Variants in CLIC5 observed in about 807,000 individuals in gnomAD.
The protein encoded by CLIC5 is CLIC family member 5, also known as chloride intracellular channel protein 5.
Under a neutral mutation model 24.7 loss-of-function variants are expected in CLIC5, and 20 were observed. The observed-to-expected ratio is 0.81, with a 90% confidence interval of 0.57 to 1.18. The LOEUF is 1.18. Ranked by LOEUF, CLIC5 falls within the 50% of genes most tolerant of loss-of-function variation. The probability of loss-of-function intolerance (pLI) is 0.00; values close to 1 mark genes in which losing one functional copy is unlikely to be tolerated. For synonymous variants in CLIC5, 159 were observed against 135.6 expected (o/e 1.17, Z -1.20); for missense variants, 341 against 326.1 (o/e 1.05, Z -0.35).
the CLIC5 span, among the ~76,000 whole-genome samples, chr6:46,087,340 T>C: frequency 3.3e-5 from 5 of 152,234 alleles, no homozygotes; most frequent in African/African-American, 7.2e-5. Flanking sequence ...TCTTGTTTGA[T>C]AGGTTTATTT....
intron 1 of CLIC5, among the ~76,000 whole-genome samples, chr6:45,966,360 T>C (rs1421852718): frequency 6.6e-6 from 1 of 150,998 alleles, no homozygotes; most frequent in Non-Finnish European, 1.5e-5. Context: ...CTCTCAGATA[T>C]TCTGATTTAA....
At chr6:46,122,317 C>T in the CLIC5 span, among the ~76,000 whole-genome samples, 1 of 152,212 alleles carries the variant, frequency 6.6e-6, no homozygotes, top group African/African-American at 2.4e-5. Flanking sequence ...GCACAACCTG[C>T]TCCTGAATGA....
chr6:46,079,773 T>C (rs900580136), exon 1 of CLIC5: 2 of 1,552,016 alleles, frequency 1.3e-6, no homozygotes, highest in South Asian at 1.2e-5. Flanking sequence ...AGCATCAGAA[T>C]AGCAGGAATA....
chr6:46,094,263 C>T, the CLIC5 span, among the ~76,000 whole-genome samples: 1 of 152,172 alleles, frequency 6.6e-6, no homozygotes, highest in Non-Finnish European at 1.5e-5. Flanking sequence ...TCCCTGGCTC[C>T]TTCGAAATCT....
intron 1 of CLIC5, among the ~76,000 whole-genome samples, chr6:45,975,192 A>G (rs74517811): frequency 3.2e-4 from 48 of 152,222 alleles, no homozygotes; most frequent in African/African-American, 1.1e-3. Flanking sequence ...AGAACTGGAG[A>G]GTGAGCAGGA....
intron 3 of CLIC5, among the ~76,000 whole-genome samples, chr6:45,943,983 C>A (rs1420891068): frequency 6.6e-6 from 1 of 152,140 alleles, no homozygotes; most frequent in South Asian, 2.1e-4. Context: ...ATATTTATGG[C>A]GTGTTTTAAA....
At chr6:45,971,044 T>A (rs1170667924) in intron 1 of CLIC5, among the ~76,000 whole-genome samples, 1 of 152,228 alleles carries the variant, frequency 6.6e-6, no homozygotes, top group East Asian at 1.9e-4. Flanking sequence ...CCAAAATAAA[T>A]GAGGTACAGA....
chr6:45,914,431 G>A lies in CLIC5; in HGVS notation c.407-22C>T, dbSNP rs775183934. On this transcript the variant is annotated intron_variant, in intron 4 of 5. Transcript: ENST00000339561. ...AGAGCTGGCATGAAAGAGTAAAAGGGCCTTTATTCAAACTTCTTGCCAGTG... is the reference window on the plus strand; with the variant it reads ...AGAGCTGGCATGAAAGAGTAAAAGGACCTTTATTCAAACTTCTTGCCAGTG... The A allele has an allele frequency of 5.8e-6, 9 of 1,541,432 alleles. No homozygotes were observed. The East Asian group carries it at 2.1e-4, about 35-fold the overall frequency.
At chr6:46,059,850 G>GC (rs1434205132) in intron 1 of CLIC5, among the ~76,000 whole-genome samples, 2 of 152,180 alleles carry the variant, frequency 1.3e-5, no homozygotes, top group Non-Finnish European at 2.9e-5. Flanking sequence ...GAACAGGATT[G>GC]CCTGAGTTTG....
chr6:46,036,590 G>A (rs556290223), intron 1 of CLIC5, among the ~76,000 whole-genome samples: 2 of 152,300 alleles, frequency 1.3e-5, no homozygotes, highest in Admixed American at 6.5e-5. Flanking sequence ...GATTACAGGC[G>A]TGAGCCACTG....
chr6:46,022,071 G>A (rs978641036), intron 1 of CLIC5, among the ~76,000 whole-genome samples: 4 of 152,138 alleles, frequency 2.6e-5, no homozygotes, highest in African/African-American at 7.2e-5. Flanking sequence ...ATGTAAAAGA[G>A]ATTTCTATTT....
intron 1 of CLIC5, among the ~76,000 whole-genome samples, chr6:46,053,599 G>C (rs1241025737): frequency 6.6e-6 from 1 of 152,170 alleles, no homozygotes; most frequent in Non-Finnish European, 1.5e-5. Context: ...TTTAATCGTT[G>C]AGGTCGGTAT....
chr6:45,988,842 G>A (rs1397612313), intron 1 of CLIC5, among the ~76,000 whole-genome samples: 1 of 152,178 alleles, frequency 6.6e-6, no homozygotes, highest in Non-Finnish European at 1.5e-5. Context: ...AGACAAATGG[G>A]GTTTCTGCCA....
chr6:46,035,379 A>G (rs1008228914), intron 1 of CLIC5, among the ~76,000 whole-genome samples: 2 of 152,256 alleles, frequency 1.3e-5, no homozygotes, highest in Non-Finnish European at 2.9e-5. Context: ...CATTTGTTTC[A>G]GGGTGTATTG....
At chr6:45,942,443 C>G (rs932107602) in intron 3 of CLIC5, among the ~76,000 whole-genome samples, 1 of 151,934 alleles carries the variant, frequency 6.6e-6, no homozygotes, top group Admixed American at 6.6e-5. Flanking sequence ...ACTCATTAGC[C>G]CCATCAAAAT....
chr6:46,050,853 A>ATGTGTGTGTGTG (rs56660827), intron 1 of CLIC5, among the ~76,000 whole-genome samples: 11,309 of 148,594 alleles, frequency 0.076, 511 homozygotes, highest in Non-Finnish European at 0.11. Context: ...GTGTGTGTGT[A>ATGTGTGTGTGTG]TGTGTGTGTG....
intron 1 of CLIC5, among the ~76,000 whole-genome samples, chr6:46,067,965 GTAGATATAATT>G: frequency 6.6e-6 from 1 of 152,252 alleles, no homozygotes; most frequent in East Asian, 1.9e-4. Context: ...AAGCGTATTT[GTAGATATAATT>G]TAAGCTAAGG....
chr6:46,012,452 A>T (rs1766840892), intron 1 of CLIC5, among the ~76,000 whole-genome samples: 2 of 152,254 alleles, frequency 1.3e-5, no homozygotes, highest in South Asian at 4.1e-4. Context: ...TCACTGTCAG[A>T]ATGTTCCCCG....
chr6:46,065,725 TAGAA>T (rs1762422973), intron 1 of CLIC5, among the ~76,000 whole-genome samples: 1 of 152,250 alleles, frequency 6.6e-6, no homozygotes, highest in Non-Finnish European at 1.5e-5. Context: ...ACTGTAATAA[TAGAA>T]AGATCCTTCT....
Sources: gnomAD v4.1 joint callset for allele counts (sites outside exome capture counted in the v4.1 genomes callset) on GRCh38, gnomAD v4.1.1 for gene constraint, MANE v1.5 for transcripts, NCBI Gene and HGNC (gene_info 2026-07-23, HGNC 2026-07-21) for gene names.